Variants in FOXO1 observed in about 807,000 individuals in gnomAD.
FOXO1 encodes the protein forkhead box O1, also known as forkhead box protein O1.
In FOXO1, 6 loss-of-function variants were observed where a neutral mutation model predicts 44.1. The observed-to-expected ratio is 0.14, with a 90% confidence interval of 0.07 to 0.27. The LOEUF is 0.27. FOXO1 is among the 10% of genes least tolerant of loss of function. The probability of loss-of-function intolerance (pLI) is 1.00; values close to 1 mark genes in which losing one functional copy is unlikely to be tolerated. For synonymous variants in FOXO1, 380 were observed against 362.7 expected (o/e 1.05, Z -0.54); for missense variants, 737 against 888.8 (o/e 0.83, Z 2.17).
At chr13:40,619,836 C>T (rs1876549281) in intron 1 of FOXO1, 2 of 760,646 alleles carry the variant, frequency 2.6e-6, no homozygotes, top group African/African-American at 3.4e-5. Flanking sequence ...AGTCGGGTGG[C>T]AGCTAACTCA....
At chr13:40,640,746 TTTG>T (rs1269931413) in intron 1 of FOXO1, among the ~76,000 whole-genome samples, 6 of 150,898 alleles carry the variant, frequency 4.0e-5, no homozygotes, top group African/African-American at 7.4e-5. Context: ...CAGGTCAGTG[TTTG>T]TTATTTCTTT....
intron 1 of FOXO1, among the ~76,000 whole-genome samples, chr13:40,601,236 A>G (rs1875805230): frequency 6.6e-6 from 1 of 152,234 alleles, no homozygotes; most frequent in African/African-American, 2.4e-5. Context: ...CTCTAAATAA[A>G]AACAATAAAT....
intron 1 of FOXO1, among the ~76,000 whole-genome samples, chr13:40,572,844 C>T (rs886557114): frequency 2.6e-5 from 4 of 152,156 alleles, no homozygotes; most frequent in Admixed American, 6.5e-5. Context: ...AGGTCTGCTG[C>T]GCAACAGCCC....
chr13:40,558,261 C>G lies in FOXO1; in HGVS notation c.*788G>C, dbSNP rs1873833621. On this transcript the variant is annotated 3_prime_UTR_variant, in exon 3 of 3. Transcript: ENST00000379561. ...AGAAAACATTATTACAGTTCAATAT[C>G]TATTCCAAAAATGTTCTTAAGTCCC... is the stretch of plus-strand genomic sequence containing the variant. 6.6e-6 allele frequency: 1 copy of G among 152,584 alleles called. No individual in the cohort carries two copies. Among genetic ancestry groups the G allele is most frequent in the Admixed American group, 6.5e-5 (1 of 15,274 alleles). The allele number at this position is 152,584 out of a possible 1,614,324, so 9.5% of individuals were successfully genotyped here. A position where few individuals can be genotyped will look rare whatever the true frequency, so the allele number is the denominator to read the frequency against.
intron 1 of FOXO1, among the ~76,000 whole-genome samples, chr13:40,645,917 C>A (rs993108589): frequency 6.6e-6 from 1 of 151,834 alleles, no homozygotes; most frequent in Non-Finnish European, 1.5e-5. Flanking sequence ...AAATACAAAA[C>A]TAGCCGGGCA....
At chr13:40,628,356 T>TACACAC (rs34314244) in intron 1 of FOXO1, among the ~76,000 whole-genome samples, 24,217 of 145,088 alleles carry the variant, frequency 0.17, 1,990 homozygotes, top group South Asian at 0.27. Flanking sequence ...AAGAGCTGTT[T>TACACAC]ACACACACAC....
At position 40,666,353 on chromosome 13, in the gene FOXO1, G is replaced by A. The variant is rs1388222186; in HGVS notation, c.-141C>T. On this transcript the variant is annotated 5_prime_UTR_variant, in exon 1 of 3. Transcript: ENST00000379561. ...GGTGCGGCGAGCGGACGGAAACTGG[G>A]AGGAAGGCGCGGCGGAGTGGAAGCG... 1.3e-5 allele frequency: 8 copies of A among 631,276 alleles called. No homozygotes were observed. Among genetic ancestry groups the A allele is most frequent in the South Asian group, 3.0e-5 (1 of 33,316 alleles). 39.1% of individuals were successfully genotyped at this position (631,276 alleles called of 1,614,324 possible). A position where few individuals can be genotyped will look rare whatever the true frequency, so the allele number is the denominator to read the frequency against.
intron 1 of FOXO1, among the ~76,000 whole-genome samples, chr13:40,660,603 CT>C (rs576163404): frequency 6.1e-4 from 93 of 152,336 alleles, no homozygotes; most frequent in African/African-American, 2.0e-3. Context: ...ATTCTTCCCC[CT>C]CATCCCATTT....
At chr13:40,659,314 CAAAAA>C (rs1210028542) in intron 1 of FOXO1, among the ~76,000 whole-genome samples, 3 of 87,636 alleles carry the variant, frequency 3.4e-5, no homozygotes, top group Non-Finnish European at 4.7e-5. Flanking sequence ...GACTCCGTCT[CAAAAA>C]AAAAAAAAAA....
At chr13:40,656,948 A>T (rs531805065) in intron 1 of FOXO1, among the ~76,000 whole-genome samples, 1 of 151,806 alleles carries the variant, frequency 6.6e-6, no homozygotes, top group African/African-American at 2.4e-5. Flanking sequence ...CTCCCGCCTC[A>T]GCCTCCCGAG....
chr13:40,657,319 C>CTTTTTTTT (rs369503666), intron 1 of FOXO1, among the ~76,000 whole-genome samples: 1 of 127,804 alleles, frequency 7.8e-6, no homozygotes, highest in Non-Finnish European at 1.6e-5. Context: ...CCTTTTTTTT[C>CTTTTTTTT]TTTTTTTTTT....
At chr13:40,564,984 G>A (rs867337571) in intron 1 of FOXO1, among the ~76,000 whole-genome samples, 3 of 151,950 alleles carry the variant, frequency 2.0e-5, no homozygotes, top group Middle Eastern at 3.4e-3. Context: ...GGGGAACCCC[G>A]ACATGGTGTA....
intron 1 of FOXO1, among the ~76,000 whole-genome samples, chr13:40,605,758 G>A (rs1284276839): frequency 2.0e-5 from 3 of 152,146 alleles, no homozygotes; most frequent in African/African-American, 7.2e-5. Flanking sequence ...GTTGCCAGCA[G>A]TACGTATGAA....
At chr13:40,563,413 T>G (rs1874121839) in intron 1 of FOXO1, among the ~76,000 whole-genome samples, 2 of 152,186 alleles carry the variant, frequency 1.3e-5, no homozygotes, top group Admixed American at 1.3e-4. Flanking sequence ...CAAAACGCCC[T>G]CTGACTCTCT....
chr13:40,597,868 T>C (rs1875641067), intron 1 of FOXO1, among the ~76,000 whole-genome samples: 1 of 152,088 alleles, frequency 6.6e-6, no homozygotes, highest in Non-Finnish European at 1.5e-5. Flanking sequence ...AATGTGTGTG[T>C]CCAGTACTTC....
At chr13:40,629,612 C>CA (rs1876897168) in intron 1 of FOXO1, among the ~76,000 whole-genome samples, 1 of 152,176 alleles carries the variant, frequency 6.6e-6, no homozygotes, top group African/African-American at 2.4e-5. Context: ...ATCCCTAATC[C>CA]AAAAATCCAA....
chr13:40,661,469 T>C (rs1417093508), intron 1 of FOXO1, among the ~76,000 whole-genome samples: 1 of 152,094 alleles, frequency 6.6e-6, no homozygotes, highest in Non-Finnish European at 1.5e-5. Context: ...GCTAATTTTT[T>C]GTATTTTAGT....
intron 1 of FOXO1, among the ~76,000 whole-genome samples, chr13:40,646,803 A>G (rs1264521433): frequency 7.2e-5 from 11 of 152,090 alleles, no homozygotes; most frequent in African/African-American, 2.7e-4. Context: ...CATGTCGGCC[A>G]GGGTGGTCTC....
At chr13:40,598,822 G>T (rs1875696497) in intron 1 of FOXO1, among the ~76,000 whole-genome samples, 1 of 152,168 alleles carries the variant, frequency 6.6e-6, no homozygotes, top group African/African-American at 2.4e-5. Flanking sequence ...ATCCCCAGGT[G>T]ATTAATATAT....
Sources: allele counts gnomAD v4.1 joint callset (sites outside exome capture counted in the v4.1 genomes callset), GRCh38; gene constraint gnomAD v4.1.1; transcripts MANE v1.5; gene names NCBI Gene and HGNC (gene_info 2026-07-23, HGNC 2026-07-21).